GRM5: variants seen among roughly 807,000 people sequenced by gnomAD.
GRM5 encodes glutamate metabotropic receptor 5, also known as metabotropic glutamate receptor 5.
In GRM5, 19 loss-of-function variants were observed where a neutral mutation model predicts 83.1. The observed-to-expected ratio is 0.23, with a 90% confidence interval of 0.16 to 0.34. The LOEUF (loss-of-function observed/expected upper bound fraction) is 0.34, where lower values mean the gene tolerates loss of function less well. Ranked by LOEUF, GRM5 falls within the 10% of genes least tolerant of loss-of-function variation. The pLI is 1.00. For synonymous variants in GRM5, 675 were observed against 633.6 expected (o/e 1.07, Z -0.98); for missense variants, 1,160 against 1,588.3 (o/e 0.73, Z 4.58).
At chr11:88,794,416 G>A (rs1358251514) in intron 3 of GRM5, among the ~76,000 whole-genome samples, 2 of 152,150 alleles carry the variant, frequency 1.3e-5, no homozygotes, top group Non-Finnish European at 2.9e-5. Context: ...TGGCAGATCT[G>A]TGAGAGTGTA....
At chr11:88,793,302 G>T (rs1001100144) in intron 3 of GRM5, among the ~76,000 whole-genome samples, 7 of 152,086 alleles carry the variant, frequency 4.6e-5, no homozygotes, top group African/African-American at 1.7e-4. Flanking sequence ...ATTTTAACCT[G>T]TGGTATAAGC....
intron 3 of GRM5, among the ~76,000 whole-genome samples, chr11:88,783,896 C>T (rs1046161293): frequency 2.0e-5 from 3 of 152,000 alleles, no homozygotes; most frequent in African/African-American, 7.2e-5. Flanking sequence ...AGGAAACATT[C>T]CATCTTTTGA....
intron 3 of GRM5, among the ~76,000 whole-genome samples, chr11:88,833,117 T>C (rs1369809343): frequency 1.3e-5 from 2 of 152,054 alleles, no homozygotes; most frequent in African/African-American, 4.8e-5. Context: ...ACAAATGGGA[T>C]TGTTTTAAAC....
At chr11:88,891,610 CTCA>C (rs1590943237) in intron 2 of GRM5, among the ~76,000 whole-genome samples, 5 of 38,384 alleles carry the variant, frequency 1.3e-4, no homozygotes, top group Admixed American at 3.6e-4. Flanking sequence ...ATTCTAATGT[CTCA>C]TAATTAATTT....
chr11:88,887,670 C>T (rs994113076), intron 2 of GRM5, among the ~76,000 whole-genome samples: 2 of 152,162 alleles, frequency 1.3e-5, no homozygotes, highest in African/African-American at 2.4e-5. Context: ...TCCACTCTGT[C>T]ACACGAAAAG....
At chr11:88,631,967 T>C (rs530421643) in intron 4 of GRM5, among the ~76,000 whole-genome samples, 6 of 152,332 alleles carry the variant, frequency 3.9e-5, no homozygotes, top group African/African-American at 1.2e-4. Flanking sequence ...TTTGTCCTTA[T>C]ACATTTCTGA....
intron 8 of GRM5, among the ~76,000 whole-genome samples, chr11:88,542,329 T>C (rs1458031480): frequency 2.6e-5 from 4 of 151,008 alleles, no homozygotes; most frequent in African/African-American, 9.7e-5. Context: ...TTAAAGAAAA[T>C]AACCAAAATT....
rs200428585 is a variant in GRM5 at position 89,048,031 on chromosome 11, A to G, written c.-159T>C. The G allele has an allele frequency of 1.6e-6, 1 of 607,338 alleles. No individual in the cohort carries two copies. Among genetic ancestry groups the G allele is most frequent in the Non-Finnish European group, 2.9e-6 (1 of 343,980 alleles). 37.6% of individuals were successfully genotyped at this position (607,338 alleles called of 1,614,324 possible). ...CTAAAGGACCATTTTGTCCCCATGTACCATTTAGTTAGATGATCCATGTGG... is the reference window on the plus strand; with the variant it reads ...CTAAAGGACCATTTTGTCCCCATGTGCCATTTAGTTAGATGATCCATGTGG... On this transcript the variant is annotated 5_prime_UTR_variant, in exon 2 of 10. Transcript: ENST00000305447.
chr11:88,608,620 A>G (rs1392657374), intron 4 of GRM5, among the ~76,000 whole-genome samples: 1 of 146,282 alleles, frequency 6.8e-6, no homozygotes, highest in Non-Finnish European at 1.5e-5. Context: ...CTGGGTTCAC[A>G]CTGTTCTCCT....
chr11:88,692,373 C>G (rs1471637264), intron 3 of GRM5, among the ~76,000 whole-genome samples: 1 of 152,154 alleles, frequency 6.6e-6, no homozygotes, highest in Non-Finnish European at 1.5e-5. Flanking sequence ...GGCATAGATG[C>G]ATTAATGGAT....
intron 2 of GRM5, among the ~76,000 whole-genome samples, chr11:88,986,593 G>C (rs1034900039): frequency 5.3e-5 from 8 of 150,354 alleles, no homozygotes; most frequent in Non-Finnish European, 1.0e-4. Context: ...ACACATTTTT[G>C]GTATTAAACC....
At chr11:89,061,390 A>G (rs1268375662) in intron 1 of GRM5, among the ~76,000 whole-genome samples, 1 of 152,198 alleles carries the variant, frequency 6.6e-6, no homozygotes, top group Non-Finnish European at 1.5e-5. Flanking sequence ...TCTAACCAAA[A>G]TGATCATTCT....
intron 7 of GRM5, 87 bp downstream of exon 7, chr11:88,590,514 G>T (rs1427939154): frequency 6.8e-6 from 7 of 1,023,292 alleles, no homozygotes; most frequent in Non-Finnish European, 1.1e-5. Flanking sequence ...TACCCAAGAT[G>T]AGTAACGCTT....
At chr11:89,022,379 A>T (rs772568488) in intron 2 of GRM5, among the ~76,000 whole-genome samples, 8 of 152,014 alleles carry the variant, frequency 5.3e-5, no homozygotes, top group Non-Finnish European at 8.8e-5. Context: ...GCGGTGGCTC[A>T]CGTCTGTAAT....
chr11:88,912,686 G>A (rs1265959216), intron 2 of GRM5, among the ~76,000 whole-genome samples: 1 of 152,126 alleles, frequency 6.6e-6, no homozygotes, highest in Non-Finnish European at 1.5e-5. Flanking sequence ...CCTTGTTAAT[G>A]TTCAATCTTT....
rs202030135 is a variant in GRM5 at position 89,047,941 on chromosome 11, C to T, written c.-69G>A. On this transcript the variant is annotated 5_prime_UTR_variant, in exon 2 of 10. Coordinates refer to ENST00000305447, the MANE Select transcript of GRM5 (RefSeq NM_001143831.3). This position sits in a 1 kb window ranked among gnomAD's most constrained non-coding sequence, Gnocchi z 5.1. ...AAATTCAGGAGGGTTCTGATAGCTA[C>T]GAACAAGCGATGTCCTACGTTGAGT... The T allele has an allele frequency of 1.1e-4, 128 of 1,167,086 alleles. No individual in the cohort carries two copies. The highest frequency in any genetic ancestry group is 2.0e-4 in the Middle Eastern group (1 of 5,068). The allele number at this position is 1,167,086 out of a possible 1,614,324, so 72.3% of individuals were successfully genotyped here.
intron 3 of GRM5, among the ~76,000 whole-genome samples, chr11:88,828,220 A>G (rs994103682): frequency 6.6e-6 from 1 of 152,170 alleles, no homozygotes; most frequent in African/African-American, 2.4e-5. Context: ...AACATAGTGT[A>G]AGACTGTGGG....
chr11:88,695,247 G>A (rs1363210507), intron 3 of GRM5, among the ~76,000 whole-genome samples: 1 of 152,106 alleles, frequency 6.6e-6, no homozygotes, highest in Non-Finnish European at 1.5e-5. Context: ...TACATAACAT[G>A]TAGAAATAAG....
intron 8 of GRM5, among the ~76,000 whole-genome samples, chr11:88,527,556 G>A (rs1293111472): frequency 1.3e-5 from 2 of 152,070 alleles, no homozygotes; most frequent in Non-Finnish European, 2.9e-5. Context: ...ACTTAAAGCA[G>A]AACTACCATT....
Sources: gnomAD v4.1 joint callset for allele counts (sites outside exome capture counted in the v4.1 genomes callset) on GRCh38, gnomAD v4.1.1 for gene constraint, Gnocchi (gnomAD v3.1) non-coding constraint, MANE v1.5 for transcripts, NCBI Gene and HGNC (gene_info 2026-07-23, HGNC 2026-07-21) for gene names.